The following TNFRSF19 variants were observed in gnomAD, a reference collection of about 807,000 sequenced individuals.
TNFRSF19 encodes the protein TNF receptor superfamily member 19.
A neutral mutation model predicts 46.4 loss-of-function variants in TNFRSF19; 27 were observed. The ratio of observed to expected loss-of-function variants is 0.58; its 90% CI spans 0.43 to 0.80. The LOEUF (loss-of-function observed/expected upper bound fraction) is 0.80, where lower values mean the gene tolerates loss of function less well. Ranked by LOEUF, TNFRSF19 falls within the 30% of genes least tolerant of loss-of-function variation. The probability of loss-of-function intolerance (pLI) is 0.00; values close to 1 mark genes in which losing one functional copy is unlikely to be tolerated. For synonymous variants in TNFRSF19, 204 were observed against 205.0 expected, an observed-to-expected ratio of 1.00 and a Z score of 0.04; for missense variants, 511 against 530.8, an observed-to-expected ratio of 0.96 and a Z score of 0.37.
In TNFRSF19 at chr13:23,591,733, T is replaced by C. The variant is rs544401918; in HGVS notation, c.69+1481T>C. Among the ~76,000 whole-genome samples, 1,175 of 150,574 alleles carry C rather than the reference T, an allele frequency of 7.8e-3. 24 individuals are homozygous for C. The highest frequency in any genetic ancestry group is 0.071 in the East Asian group (360 of 5,078). On this transcript the variant is annotated intron_variant, in intron 2 of 9. Transcript: ENST00000248484. ...AAAATTTTCTTTCTTTCTTTCTTTT[T>C]TTTTTTTTTTTGAGACGAAGTTTCG...
At chr13:23,634,651 G>A (rs1331794512) in intron 5 of TNFRSF19, among the ~76,000 whole-genome samples, 1 of 152,168 alleles carries the variant, frequency 6.6e-6, no homozygotes, top group African/African-American at 2.4e-5. Flanking sequence ...TAAAATAAAT[G>A]TGAGCTTATG....
chr13:23,629,262 C>T (rs1375824703), intron 5 of TNFRSF19, among the ~76,000 whole-genome samples: 1 of 152,194 alleles, frequency 6.6e-6, no homozygotes, highest in Non-Finnish European at 1.5e-5. Context: ...GAGGCAAGAA[C>T]TCTCTGGAAC....
intron 3 of TNFRSF19, chr13:23,594,332 C>A (rs1262756406): frequency 1.3e-5 from 6 of 447,570 alleles, no homozygotes; most frequent in Non-Finnish European, 2.2e-5. Flanking sequence ...CCCATGGAGC[C>A]CAGCAAGCTA....
At chr13:23,589,509 T>A (rs1879096117) in intron 1 of TNFRSF19, among the ~76,000 whole-genome samples, 1 of 152,228 alleles carries the variant, frequency 6.6e-6, no homozygotes, top group African/African-American at 2.4e-5. Context: ...GGTGTCTTCA[T>A]TTAATAGCAC....
chr13:23,668,725 T>C lies in TNFRSF19; in HGVS notation c.873T>C (p.Thr291=). 2 of 1,614,090 alleles carry C rather than the reference T, an allele frequency of 1.2e-6. No homozygotes were observed. The highest frequency in any genetic ancestry group is 8.5e-7 in the Non-Finnish European group (1 of 1,179,934). ...GCCCAGCCGGGGAGATGGTGCCGAC[T>C]TTCTTCGGATCCCTCACGCAGTCCA... The part of the protein sequence containing the change: ...NAGPAGEMVP[T]FFGSLTQSIC... Residue 291 remains threonine, a synonymous_variant, in exon 9 of 10, where the codon ACT becomes ACC. Transcript: ENST00000248484.
chr13:23,607,589 A>T (rs949543957), intron 3 of TNFRSF19, among the ~76,000 whole-genome samples: 1 of 152,232 alleles, frequency 6.6e-6, no homozygotes, highest in African/African-American at 2.4e-5. Context: ...GTTAATTATG[A>T]AAAAGAAGAA....
chr13:23,597,444 T>C (rs1461907722), intron 3 of TNFRSF19, among the ~76,000 whole-genome samples: 1 of 152,110 alleles, frequency 6.6e-6, no homozygotes, highest in African/African-American at 2.4e-5. Flanking sequence ...AAATACAAAC[T>C]ACCATCAGAG....
chr13:23,587,509 G>A (rs1002296461), intron 1 of TNFRSF19, among the ~76,000 whole-genome samples: 10 of 152,136 alleles, frequency 6.6e-5, no homozygotes, highest in Non-Finnish European at 2.9e-5. Context: ...CCTAATGACC[G>A]TTTAACCAAT....
At chr13:23,644,599 A>T (rs1010888960) in intron 5 of TNFRSF19, among the ~76,000 whole-genome samples, 1 of 152,202 alleles carries the variant, frequency 6.6e-6, no homozygotes, top group African/African-American at 2.4e-5. Flanking sequence ...ATGAGAACAG[A>T]CTAATACACA....
intron 5 of TNFRSF19, among the ~76,000 whole-genome samples, chr13:23,631,677 A>G (rs1360107699): frequency 1.3e-5 from 2 of 152,240 alleles, no homozygotes; most frequent in Non-Finnish European, 2.9e-5. Context: ...CCAAACAAAA[A>G]CAAATTTAAA....
At chr13:23,592,014 C>T (rs973281152) in intron 2 of TNFRSF19, among the ~76,000 whole-genome samples, 2 of 152,034 alleles carry the variant, frequency 1.3e-5, no homozygotes, top group Non-Finnish European at 2.9e-5. Context: ...TGTGAGCCAC[C>T]GTGCCTGTCT....
chr13:23,630,894 CT>C (rs1882318786), intron 5 of TNFRSF19, among the ~76,000 whole-genome samples: 1 of 151,648 alleles, frequency 6.6e-6, no homozygotes, highest in South Asian at 2.1e-4. Context: ...TATGTTTAAC[CT>C]AGATGTTTGC....
intron 4 of TNFRSF19, among the ~76,000 whole-genome samples, chr13:23,622,720 T>C (rs1593264305): frequency 6.6e-6 from 1 of 152,222 alleles, no homozygotes; most frequent in East Asian, 1.9e-4. Flanking sequence ...ATGTTGGATA[T>C]TACATTTTTT....
chr13:23,590,532 A>G (rs1482822412), intron 2 of TNFRSF19, among the ~76,000 whole-genome samples: 3 of 152,040 alleles, frequency 2.0e-5, no homozygotes, highest in African/African-American at 7.2e-5. Flanking sequence ...ATGGGGTTTC[A>G]CCATGTTGTC....
chr13:23,624,991 A>T (rs899519701), intron 4 of TNFRSF19, among the ~76,000 whole-genome samples: 3 of 152,056 alleles, frequency 2.0e-5, no homozygotes, highest in Non-Finnish European at 4.4e-5. Flanking sequence ...ACCTCAGGTG[A>T]TCCACCTGCC....
chr13:23,669,582 T>C (rs913561), intron 9 of TNFRSF19: 859,059 of 985,134 alleles, frequency 0.87, 375,082 homozygotes, highest in Admixed American at 0.9. Flanking sequence ...TGGATCACTC[T>C]GCTTTACCGG....
chr13:23,630,435 CCCCCACCAGATGAGCTGTATG>C (rs1328299039), intron 5 of TNFRSF19, among the ~76,000 whole-genome samples: 4 of 152,096 alleles, frequency 2.6e-5, no homozygotes, highest in Non-Finnish European at 5.9e-5. Context: ...TCTGGCCCTA[CCCCCACCAGATGAGCTGTATG>C]CCCCGCCTCC....
Position 23,660,432 on chromosome 13 carries a change from C to A in TNFRSF19, c.678C>A (p.Leu226=). ...TGTCGTGTTTTGACAGACCTCAGCT[C>A]CACGAATATGCCCACAGAGCCTGCT... The part of the protein sequence containing the change: ...SELSCFDRPQ[L]HEYAHRACCQ... Residue 226 remains leucine, a synonymous_variant, in exon 7 of 10, where the codon CTC becomes CTA. Coordinates refer to ENST00000248484, the MANE Select transcript of TNFRSF19 (RefSeq NM_148957.4). 6.2e-7 allele frequency: 1 copy of A among 1,613,882 alleles called. No homozygotes were observed. Among genetic ancestry groups the A allele is most frequent in the South Asian group, 1.1e-5 (1 of 91,058 alleles).
At chr13:23,596,235 G>A (rs1444151860) in intron 3 of TNFRSF19, among the ~76,000 whole-genome samples, 3 of 152,108 alleles carry the variant, frequency 2.0e-5, no homozygotes, top group Non-Finnish European at 4.4e-5. Flanking sequence ...CATAATGACA[G>A]GATCAAATTC....
Sources: gnomAD v4.1 joint callset for allele counts (sites outside exome capture counted in the v4.1 genomes callset) on GRCh38, gnomAD v4.1.1 for gene constraint, MANE v1.5 for transcripts, NCBI Gene and HGNC (gene_info 2026-07-23, HGNC 2026-07-21) for gene names.